MED20: variants seen among roughly 807,000 people sequenced by gnomAD.
MED20 encodes mediator complex subunit 20.
In MED20, 19 loss-of-function variants were observed where a neutral mutation model predicts 19.7. The ratio of observed to expected loss-of-function variants is 0.96; its 90% CI spans 0.67 to 1.42. The LOEUF is 1.42. Among genes scored for constraint, MED20 ranks in the 40% most tolerant of loss-of-function variants. The pLI is 0.00. For synonymous variants in MED20, 105 were observed against 104.8 expected, an observed-to-expected ratio of 1.00 and a Z score of -0.01; for missense variants, 225 against 273.0, an observed-to-expected ratio of 0.82 and a Z score of 1.24.
At chr6:41,912,713 G>T (rs1775227357) in intron 2 of MED20, among the ~76,000 whole-genome samples, 1 of 152,132 alleles carries the variant, frequency 6.6e-6, no homozygotes, top group Non-Finnish European at 1.5e-5. Context: ...ACCTTGTGAA[G>T]CAAGCAGAAC....
intron 2 of MED20, among the ~76,000 whole-genome samples, chr6:41,913,505 T>A (rs1381781936): frequency 6.6e-6 from 1 of 152,260 alleles, no homozygotes; most frequent in Non-Finnish European, 1.5e-5. Flanking sequence ...TCTTGATTCT[T>A]ACTTCCTTCA....
chr6:41,909,917 T>C (rs1312756292), intron 2 of MED20, among the ~76,000 whole-genome samples: 1 of 152,216 alleles, frequency 6.6e-6, no homozygotes, highest in African/African-American at 2.4e-5. Flanking sequence ...AGTAACAGCA[T>C]TTGGGCATGC....
At position 41,909,335 on chromosome 6, in the gene MED20, G is replaced by A. The variant is rs1465387079; in HGVS notation, c.357C>T (p.Tyr119=). Residue 119 remains tyrosine (Y), a synonymous_variant, in exon 3 of 4, where the codon TAC becomes TAT. Coordinates refer to ENST00000265350, the MANE Select transcript of MED20 (RefSeq NM_004275.5). The part of the protein sequence containing the change: ...KIETRGTRYQ[Y]CDFLVKVGTV... ...TGCCCACCTTCACCAGGAAGTCACA[G>A]TACTGGTACCTGGTGCCCCGGGTCT... 2 of 1,614,132 alleles carry A rather than the reference G, an allele frequency of 1.2e-6. No homozygotes were observed. The highest frequency in any genetic ancestry group is 1.7e-6 in the Non-Finnish European group (2 of 1,180,026).
chr6:41,914,516 G>C (rs1582060123), intron 2 of MED20, among the ~76,000 whole-genome samples: 1 of 152,176 alleles, frequency 6.6e-6, no homozygotes, highest in East Asian at 1.9e-4. Flanking sequence ...CAGGACTCAG[G>C]ACTCTGGTTC....
intron 3 of MED20, among the ~76,000 whole-genome samples, chr6:41,907,604 G>GAGA (rs1775089153): frequency 1.3e-5 from 2 of 152,092 alleles, no homozygotes; most frequent in Admixed American, 6.6e-5. Context: ...AAGATTCAAG[G>GAGA]AGAGCTCAAG....
rs182962659 is a variant in MED20 at position 41,913,775 on chromosome 6, G to A, written c.169+3010C>T. ...GAGCCAGGCGTGGTGGAGCGCACCT[G>A]TAGTCCCAGCTACTCGGGAGGCTGA... On this transcript the variant is annotated intron_variant, in intron 2 of 3. Transcript: ENST00000265350. Among the ~76,000 whole-genome samples, 1,137 of 152,244 alleles carry A rather than the reference G, an allele frequency of 7.5e-3. 11 individuals carry two copies. The highest frequency in any genetic ancestry group is 0.014 in the Middle Eastern group (4 of 294).
At chr6:41,908,946 G>A (rs1184268428) in intron 3 of MED20, 1 of 380,610 alleles carries the variant, frequency 2.6e-6, no homozygotes, top group Non-Finnish European at 4.7e-6. Flanking sequence ...ACTTTGGGGG[G>A]CTGAGATGGG....
At chr6:41,907,344 T>C in intron 3 of MED20, 57 bp from the exon 4 acceptor site, 9 of 1,506,264 alleles carry the variant, frequency 6.0e-6, no homozygotes, top group Non-Finnish European at 7.2e-6. Context: ...AAGGTCTGCT[T>C]CTCTTGTACC....
chr6:41,909,607 G>A, intron 2 of MED20, 85 bp from the exon 3 acceptor site: 4 of 1,555,860 alleles, frequency 2.6e-6, no homozygotes, highest in Non-Finnish European at 3.5e-6. Flanking sequence ...CCCGGAATGA[G>A]GCCAGACAGC....
chr6:41,917,384 G>A (rs1775342322), intron 1 of MED20: 1 of 177,296 alleles, frequency 5.6e-6, no homozygotes, highest in Non-Finnish European at 1.2e-5. Flanking sequence ...TGGGCGACAG[G>A]GCGAGACGCC....
intron 2 of MED20, 147 bp from the exon 3 acceptor site, chr6:41,909,669 A>ACCC: frequency 8.3e-7 from 1 of 1,197,732 alleles, no homozygotes; most frequent in Non-Finnish European, 1.2e-6. Flanking sequence ...GAATCCTCTC[A>ACCC]CTGACAGCCT....
At chr6:41,908,675 A>G (rs1329846571) in intron 3 of MED20, among the ~76,000 whole-genome samples, 3 of 152,038 alleles carry the variant, frequency 2.0e-5, no homozygotes, top group Non-Finnish European at 4.4e-5. Context: ...CCATATCATA[A>G]CTCACCTGCC....
intron 1 of MED20, 145 bp downstream of exon 1, chr6:41,920,860 C>G (rs1775444885): frequency 2.0e-6 from 2 of 1,022,520 alleles, no homozygotes; most frequent in African/African-American, 1.7e-5. Context: ...GCCCGGGGAA[C>G]CCGCAGCCCG....
intron 1 of MED20, 100 bp from the exon 2 acceptor site, chr6:41,917,039 G>T (rs1290300284): frequency 1.6e-6 from 2 of 1,275,336 alleles, no homozygotes; most frequent in African/African-American, 1.5e-5. Context: ...AGGGCCAAAA[G>T]TTATCTTGGA....
chr6:41,917,924 C>G (rs768610567), intron 1 of MED20: 7 of 276,252 alleles, frequency 2.5e-5, no homozygotes, highest in Non-Finnish European at 4.9e-5. Context: ...GCCCTAGGAA[C>G]AAAAAAAGAA....
chr6:41,910,214 G>C (rs1257166134), intron 2 of MED20, among the ~76,000 whole-genome samples: 2 of 152,220 alleles, frequency 1.3e-5, no homozygotes, highest in Non-Finnish European at 2.9e-5. Context: ...ATCTGGATCA[G>C]AAGATCAACT....
intron 2 of MED20, among the ~76,000 whole-genome samples, chr6:41,910,409 A>G (rs1375142845): frequency 6.6e-6 from 1 of 152,008 alleles, no homozygotes; most frequent in Non-Finnish European, 1.5e-5. Flanking sequence ...AGGCGGGTGG[A>G]TCACTTGAGG....
chr6:41,909,557 C>G, intron 2 of MED20, 35 bp from the exon 3 acceptor site: 1 of 1,604,772 alleles, frequency 6.2e-7, no homozygotes, highest in Non-Finnish European at 8.5e-7. Context: ...ATCATCAAGA[C>G]TTTCACTGGC....
Position 41,905,774 on chromosome 6 carries a change from C to T in MED20, c.*1298G>A, listed in dbSNP as rs1775030679. The T allele has an allele frequency of 1.3e-5, 2 of 152,146 alleles. No homozygotes were observed. The highest frequency in any genetic ancestry group is 4.1e-4 in the South Asian group (2 of 4,834). 9.4% of individuals were successfully genotyped at this position (152,146 alleles called of 1,614,324 possible). On this transcript the variant is annotated 3_prime_UTR_variant, in exon 4 of 4. Transcript: ENST00000265350. ...GGCTCAAATGAAACAGGAGAAAGAG[C>T]TCAGGAACCATGAAGCATGGTGCAG... is the stretch of plus-strand genomic sequence containing the variant.
Sources: gnomAD v4.1 joint callset for allele counts (sites outside exome capture counted in the v4.1 genomes callset) on GRCh38, gnomAD v4.1.1 for gene constraint, MANE v1.5 for transcripts, NCBI Gene and HGNC (gene_info 2026-07-23, HGNC 2026-07-21) for gene names.